Variants in UXS1 observed in about 807,000 individuals in gnomAD.
UXS1 encodes UDP-glucuronic acid decarboxylase 1.
In UXS1, 33 loss-of-function variants were observed where a neutral mutation model predicts 62.6. The ratio of observed to expected loss-of-function variants is 0.53; its 90% CI spans 0.40 to 0.70. The LOEUF (loss-of-function observed/expected upper bound fraction) is 0.70. Ranked by LOEUF, UXS1 falls within the 30% of genes least tolerant of loss-of-function variation. The pLI is 0.00. For synonymous variants in UXS1, 213 were observed against 206.8 expected (o/e 1.03, Z -0.26); for missense variants, 434 against 556.3 (o/e 0.78, Z 2.21).
chr2:106,138,980 G>T, intron 6 of UXS1: 1 of 564,724 alleles, frequency 1.8e-6, no homozygotes, highest in Non-Finnish European at 2.2e-6. Context: ...CAAATAACCA[G>T]CAATGAGAGG....
chr2:106,097,123 C>G, intron 13 of UXS1: 1 of 514,032 alleles, frequency 1.9e-6, no homozygotes, highest in Non-Finnish European at 3.8e-6. Flanking sequence ...GAGGGTTGCT[C>G]CAAGGCAGAC....
rs1309345545 is a variant in UXS1 at position 106,112,838 on chromosome 2, C to G, written c.760-73G>C. 5 of 1,539,816 alleles carry G rather than the reference C, an allele frequency of 3.2e-6. No individual in the cohort carries two copies. The East Asian group carries it at 1.2e-4, about 36-fold the overall frequency. On this transcript the variant is annotated intron_variant, in intron 9 of 14. Coordinates refer to ENST00000283148, the MANE Select transcript of UXS1 (RefSeq NM_001253875.2). ...ACGCATCCACTTTGCATTTCCAGTG[C>G]CCTGCATGCAATGCAGAATGGAAAC...
At chr2:106,115,860 CCA>C (rs1272844714) in intron 9 of UXS1, among the ~76,000 whole-genome samples, 3 of 152,330 alleles carry the variant, frequency 2.0e-5, no homozygotes, top group South Asian at 4.1e-4. Flanking sequence ...ACCTCTGTCC[CCA>C]GTTTTCTGAT....
chr2:106,104,570 G>C (rs1281422230), intron 11 of UXS1, among the ~76,000 whole-genome samples: 1 of 152,222 alleles, frequency 6.6e-6, no homozygotes, highest in Non-Finnish European at 1.5e-5. Context: ...GGCAGTAAAA[G>C]ATTAGCACAT....
chr2:106,156,392 G>A (rs911519918), intron 5 of UXS1, among the ~76,000 whole-genome samples: 1 of 152,138 alleles, frequency 6.6e-6, no homozygotes, highest in African/African-American at 2.4e-5. Context: ...AATAAGAAGT[G>A]GCGTTGAGGA....
At chr2:106,116,391 G>A (rs928667113) in intron 9 of UXS1, among the ~76,000 whole-genome samples, 5 of 152,170 alleles carry the variant, frequency 3.3e-5, no homozygotes, top group African/African-American at 7.2e-5. Context: ...CTCAAGGGCG[G>A]TAATGAGCAG....
chr2:106,129,934 G>A (rs1039572048), intron 6 of UXS1, among the ~76,000 whole-genome samples, 156 bp from the exon 7 acceptor site: 1 of 152,112 alleles, frequency 6.6e-6, no homozygotes, highest in African/African-American at 2.4e-5. Flanking sequence ...TTTGTAATTA[G>A]GAAAATGTTA....
chr2:106,123,089 G>C lies in UXS1; in HGVS notation c.640C>G (p.Pro214Ala), dbSNP rs761681689. 1.2e-6 allele frequency: 2 copies of C among 1,613,760 alleles called. No individual in the cohort carries two copies. The highest frequency in any genetic ancestry group is 1.1e-5 in the South Asian group (1 of 91,062). ...TCCTCACTTTGAGGGTGGACTTCAG[G>C]ATCTACGATGGGAGAAAAGTGAGAC... ...LASTSEVYGD[P>A]EVHPQSEDYW... The change falls in exon 9 of 15, where the codon CCT (proline) becomes GCT (alanine). Residue 214 changes from proline to alanine, a missense_variant and splice_region_variant. By Grantham distance (27) the Pro-to-Ala change is conservative. This residue lies in a region of UXS1 where 134 missense variants were observed against 251.9 expected (regional missense o/e 0.53). Coordinates refer to ENST00000283148, the MANE Select transcript of UXS1 (RefSeq NM_001253875.2).
Position 106,166,076 on chromosome 2 carries a change from C to A in UXS1, c.102G>T (p.Trp34Cys). ...IALLAYVASV[W>C]GNFVNMSFLL... ...ATTACCTCATATTAACGAAGTTGCC[C>A]CAAACAGCTGTAAGAGAAAGAAAAA... The change falls in exon 2 of 15, where the codon TGG (tryptophan) becomes TGT (cysteine). Residue 34 changes from tryptophan to cysteine, a missense_variant. Physicochemically the swap from Trp to Cys is radical, Grantham distance 215 (BLOSUM62 -2). Around this residue, in one of 3 missense-constraint regions of UXS1, gnomAD observed 91 missense variants for 71.1 expected, o/e 1.28. Transcript: ENST00000283148. 2 of 1,610,494 alleles carry A rather than the reference C, an allele frequency of 1.2e-6. No individual in the cohort carries two copies. Among genetic ancestry groups the A allele is most frequent in the African/African-American group, 1.3e-5 (1 of 74,900 alleles).
Position 106,158,106 on chromosome 2 carries a change from T to C in UXS1, c.243A>G (p.Lys81=), listed in dbSNP as rs1682590880. 2.6e-6 allele frequency: 4 copies of C among 1,565,068 alleles called. No homozygotes were observed. In the East Asian group the frequency reaches 9.4e-5, roughly 37 times the overall value. ...CTGATAAAAACTTTACTGGTGGGTA[T>C]TTCTGGGTAAAGCTGTATAATATAA... The part of the protein sequence containing the change: ...IRDLEKSFTQ[K]YPPVKFLSEK... Residue 81 remains lysine (K), a synonymous_variant, in exon 5 of 15, where the codon AAA becomes AAG. Coordinates refer to ENST00000283148, the MANE Select transcript of UXS1 (RefSeq NM_001253875.2).
chr2:106,139,423 T>C (rs1353995336), intron 6 of UXS1, among the ~76,000 whole-genome samples: 1 of 152,208 alleles, frequency 6.6e-6, no homozygotes, highest in African/African-American at 2.4e-5. Flanking sequence ...TCGGCCCTTC[T>C]ATGAATCCTG....
intron 11 of UXS1, 32 bp downstream of exon 11, chr2:106,104,762 G>A: frequency 6.2e-7 from 1 of 1,613,870 alleles, no homozygotes; most frequent in Non-Finnish European, 8.5e-7. Context: ...CCAAAGCACT[G>A]CTAAGGCTGG....
At chr2:106,164,896 C>T in intron 2 of UXS1, 97 bp from the exon 3 acceptor site, 1 of 826,914 alleles carries the variant, frequency 1.2e-6, no homozygotes, top group Non-Finnish European at 1.9e-6. Flanking sequence ...CCACCTCTGT[C>T]TCCTGCTCAA....
At chr2:106,100,379 A>C (rs1477982027) in intron 12 of UXS1, among the ~76,000 whole-genome samples, 1 of 152,206 alleles carries the variant, frequency 6.6e-6, no homozygotes, top group Non-Finnish European at 1.5e-5. Context: ...GAGTTACCAC[A>C]CTGTAGAGGC....
rs575086479 is a variant in UXS1 at position 106,149,569 on chromosome 2, C to T, written c.292-4199G>A. 1.1e-3 allele frequency among the ~76,000 whole-genome samples: 172 copies of T among 152,194 alleles called. 2 individuals are homozygous for T. Among genetic ancestry groups the T allele is most frequent in the Non-Finnish European group, 2.0e-3 (135 of 68,010 alleles). On this transcript the variant is annotated intron_variant, in intron 5 of 14. Coordinates refer to ENST00000283148, the MANE Select transcript of UXS1 (RefSeq NM_001253875.2). ...CTACGTGATGACATAGCAAGAAGACCCTCACCAGGTCACAACCCCTTGATC... is the reference window on the plus strand; with the variant it reads ...CTACGTGATGACATAGCAAGAAGACTCTCACCAGGTCACAACCCCTTGATC...
chr2:106,167,293 G>T (rs1683271067), intron 1 of UXS1, among the ~76,000 whole-genome samples: 1 of 152,152 alleles, frequency 6.6e-6, no homozygotes, highest in Admixed American at 6.5e-5. Context: ...AGCAGATACT[G>T]AAGGCCTTCT....
chr2:106,149,886 T>C (rs1345556281), intron 5 of UXS1, among the ~76,000 whole-genome samples: 3 of 152,204 alleles, frequency 2.0e-5, no homozygotes, highest in African/African-American at 7.2e-5. Context: ...GGGGGAAGTC[T>C]AGAACTTCTT....
In UXS1 at chr2:106,129,710, A is replaced by G; in HGVS notation, c.541T>C (p.Leu181=). 6.2e-7 allele frequency: 1 copy of G among 1,612,536 alleles called. No homozygotes were observed. The highest frequency in any genetic ancestry group is 1.3e-5 in the African/African-American group (1 of 75,026). The change falls in exon 7 of 15, where the codon TTA becomes CTA. Residue 181 remains leucine, a synonymous_variant. Transcript: ENST00000283148. ...PNYMYNPIKT[L]KTNTIGTLNM... Reference sequence around the variant, plus strand: ...AATGTCCCAATCGTATTGGTCTTTAATGTCTTGATAGGATTATACATGTAG... The same window carrying G: ...AATGTCCCAATCGTATTGGTCTTTAGTGTCTTGATAGGATTATACATGTAG...
intron 5 of UXS1, among the ~76,000 whole-genome samples, chr2:106,153,253 G>A (rs1199322783): frequency 1.3e-5 from 2 of 152,198 alleles, no homozygotes; most frequent in Non-Finnish European, 2.9e-5. Context: ...AATTTAACTG[G>A]ATCAGGCTGA....
Sources: gnomAD v4.1 joint callset for allele counts (sites outside exome capture counted in the v4.1 genomes callset) on GRCh38, gnomAD v4.1.1 for gene constraint, gnomAD v4.1.1 regional missense constraint, MANE v1.5 for transcripts, NCBI Gene and HGNC (gene_info 2026-07-23, HGNC 2026-07-21) for gene names.